Variants in SATB2 observed in about 807,000 individuals in gnomAD.
The protein encoded by SATB2 is DNA-binding protein SATB2.
In SATB2, 1 loss-of-function variant was observed where a neutral mutation model predicts 73.4. That is an observed-to-expected ratio of 0.01 (90% CI 0.00 to 0.06). The LOEUF is 0.06. Among genes scored for constraint, SATB2 ranks in the 10% least tolerant of loss-of-function variants. SATB2 has a pLI of 1.00. For missense variants in SATB2, 459 were observed against 945.8 expected (o/e 0.49, Z 6.75); for synonymous variants, 397 against 367.0 (o/e 1.08, Z -0.93).
intron 6 of SATB2, among the ~76,000 whole-genome samples, chr2:199,350,695 T>G (rs1440945761): frequency 6.6e-6 from 1 of 152,130 alleles, no homozygotes; most frequent in Non-Finnish European, 1.5e-5. Context: ...ACCTTATATT[T>G]AGACATGTAC....
intron 9 of SATB2, among the ~76,000 whole-genome samples, chr2:199,322,964 TATGCTTTAACTA>T (rs1349215698): frequency 1.3e-5 from 2 of 152,046 alleles, no homozygotes; most frequent in African/African-American, 2.4e-5. Flanking sequence ...CTCTCAAAAT[TATGCTTTAACTA>T]ACTTTTATTT....
At chr2:199,344,065 C>T (rs1374263527) in intron 7 of SATB2, among the ~76,000 whole-genome samples, 1 of 152,174 alleles carries the variant, frequency 6.6e-6, no homozygotes, top group Admixed American at 6.6e-5. Flanking sequence ...TGTGAGTCTT[C>T]TCTCATGCTT....
At chr2:199,362,012 C>G (rs939019596) in intron 6 of SATB2, among the ~76,000 whole-genome samples, 2 of 140,248 alleles carry the variant, frequency 1.4e-5, no homozygotes, top group Non-Finnish European at 3.1e-5. Flanking sequence ...GCTAGGATTA[C>G]AGGCGTGAGC....
At chr2:199,447,097 A>T (rs1211391497) in intron 2 of SATB2, among the ~76,000 whole-genome samples, 1 of 151,904 alleles carries the variant, frequency 6.6e-6, no homozygotes, top group African/African-American at 2.4e-5. Flanking sequence ...TCCCGGGTGA[A>T]CTCCACCGTC....
chr2:199,376,731 C>T (rs554017354), intron 5 of SATB2, among the ~76,000 whole-genome samples: 7 of 152,214 alleles, frequency 4.6e-5, no homozygotes, highest in African/African-American at 1.7e-4. Context: ...ACAATGACAA[C>T]AGGCTGAGAT....
intron 7 of SATB2, among the ~76,000 whole-genome samples, chr2:199,340,892 A>G (rs940140582): frequency 2.6e-5 from 4 of 152,190 alleles, no homozygotes; most frequent in African/African-American, 7.2e-5. Context: ...CTCAGAGGAG[A>G]AACAATGTTA....
chr2:199,291,457 G>T (rs1370257721), intron 10 of SATB2, among the ~76,000 whole-genome samples: 5 of 152,124 alleles, frequency 3.3e-5, no homozygotes, highest in African/African-American at 1.2e-4. Flanking sequence ...AAATCAAAAA[G>T]CATTTTGGCA....
chr2:199,379,682 C>CTTTT (rs71015899), intron 5 of SATB2, among the ~76,000 whole-genome samples: 123 of 107,630 alleles, frequency 1.1e-3, no homozygotes, highest in South Asian at 1.9e-3. Context: ...CTTTTCTTTT[C>CTTTT]TTTTTTTTTT....
chr2:199,412,999 T>C (rs979724138), intron 3 of SATB2, among the ~76,000 whole-genome samples: 2 of 152,236 alleles, frequency 1.3e-5, no homozygotes, highest in Non-Finnish European at 2.9e-5. Flanking sequence ...ACTGTTTAGT[T>C]GGTAACAGAA....
chr2:199,352,380 TTAAGCA>T (rs1482301628), intron 6 of SATB2, among the ~76,000 whole-genome samples: 6 of 152,222 alleles, frequency 3.9e-5, no homozygotes, highest in African/African-American at 1.4e-4. Flanking sequence ...ATGTACACAA[TTAAGCA>T]TAAACATCAA....
At chr2:199,425,091 C>A (rs1391873533) in intron 3 of SATB2, among the ~76,000 whole-genome samples, 10 of 151,988 alleles carry the variant, frequency 6.6e-5, no homozygotes, top group Admixed American at 5.9e-4. Context: ...GGGAGCAGAA[C>A]AAAAAATTAA....
chr2:199,373,944 T>C (rs561274295), intron 5 of SATB2, among the ~76,000 whole-genome samples: 1 of 152,330 alleles, frequency 6.6e-6, no homozygotes, highest in South Asian at 2.1e-4. Context: ...ATGATTCTGG[T>C]CCATGCAGTT....
At chr2:199,423,712 G>C (rs1258904857) in intron 3 of SATB2, 2 of 152,086 alleles carry the variant, frequency 1.3e-5, no homozygotes, top group Non-Finnish European at 2.9e-5. Flanking sequence ...AGATTCTCAA[G>C]AAGAACCACC....
At chr2:199,335,758 A>G (rs894400981) in intron 7 of SATB2, among the ~76,000 whole-genome samples, 11 of 152,224 alleles carry the variant, frequency 7.2e-5, no homozygotes, top group Admixed American at 6.5e-5. Flanking sequence ...TGAAAACAAG[A>G]TAACTGAAAC....
Position 199,308,772 on chromosome 2 carries a change from A to G in SATB2, c.1728T>C (p.Pro576=), listed in dbSNP as rs1452404773. The G allele has an allele frequency of 2.5e-6, 4 of 1,614,042 alleles. No homozygotes were observed. The highest frequency in any genetic ancestry group is 3.4e-6 in the Non-Finnish European group (4 of 1,179,958). ...CGGGGACACTGACCTGCACCGGCTC[A>G]GGGGGAAGCTGGACCACGTGTTGCA... ...ERMQHVVQLP[P]EPVQVLHRQQ... is the part of the protein sequence containing the mutation. The change falls in exon 10 of 11, where the codon CCT becomes CCC. Residue 576 remains proline, a synonymous_variant. Coordinates refer to ENST00000417098, the MANE Select transcript of SATB2 (RefSeq NM_001172509.2). The surrounding 1 kb of genome is among the most constrained non-coding windows in gnomAD (Gnocchi z 4.6).
intron 3 of SATB2, among the ~76,000 whole-genome samples, chr2:199,392,989 A>G (rs952383664): frequency 2.0e-5 from 3 of 152,156 alleles, no homozygotes; most frequent in African/African-American, 4.8e-5. Context: ...ACGGCAAGTC[A>G]TCTGACATAG....
chr2:199,281,249 T>A (rs1284142661), intron 10 of SATB2, among the ~76,000 whole-genome samples: 1 of 32,168 alleles, frequency 3.1e-5, no homozygotes, highest in African/African-American at 5.0e-5. Context: ...AAAAAAAGCA[T>A]GTGTGTATGT....
chr2:199,340,137 T>C (rs367724772), intron 7 of SATB2, among the ~76,000 whole-genome samples: 3 of 152,232 alleles, frequency 2.0e-5, no homozygotes, highest in South Asian at 4.1e-4. Context: ...TTCCAATCCA[T>C]TGAAAACATT....
intron 8 of SATB2, among the ~76,000 whole-genome samples, chr2:199,324,208 T>C (rs1285407787): frequency 6.6e-6 from 1 of 152,100 alleles, no homozygotes; most frequent in Non-Finnish European, 1.5e-5. Flanking sequence ...ACAGGTAGGA[T>C]GGCTCTCCTA....
Sources: gnomAD v4.1 joint callset for allele counts (sites outside exome capture counted in the v4.1 genomes callset) on GRCh38, gnomAD v4.1.1 for gene constraint, Gnocchi (gnomAD v3.1) non-coding constraint, MANE v1.5 for transcripts, NCBI Gene and HGNC (gene_info 2026-07-23, HGNC 2026-07-21) for gene names.